GRM5: variants seen among roughly 807,000 people sequenced by gnomAD.
GRM5 encodes metabotropic glutamate receptor 5.
A neutral mutation model predicts 83.1 loss-of-function variants in GRM5; 19 were observed. The observed-to-expected ratio is 0.23, with a 90% CI of 0.16 to 0.34. The LOEUF (loss-of-function observed/expected upper bound fraction) is 0.34. Ranked by LOEUF, GRM5 falls within the 10% of genes least tolerant of loss-of-function variation. The pLI, the probability that GRM5 is intolerant of heterozygous loss-of-function variation, is 1.00. For missense variants in GRM5, 1,160 were observed against 1,588.3 expected (o/e 0.73, Z 4.58); for synonymous variants, 675 against 633.6 (o/e 1.07, Z -0.98).
In GRM5 at chr11:88,509,267, G is replaced by T. The variant is rs758288601; in HGVS notation, c.2964C>A (p.Gly988=). 4 of 1,472,680 alleles carry T rather than the reference G, an allele frequency of 2.7e-6. No homozygotes were observed. In the South Asian group the frequency reaches 4.0e-5, roughly 15 times the overall value. 91.2% of individuals were successfully genotyped at this position (1,472,680 alleles called of 1,614,324 possible). Reference sequence around the variant, plus strand: ...GGCCGGCGTCTGGGGACTCGGGCCCGCCTGGGCCGGCGCCTGCGCAGCCCG... The same window carrying T: ...GGCCGGCGTCTGGGGACTCGGGCCCTCCTGGGCCGGCGCCTGCGCAGCCCG... ...GGAGCAGAGP[G]GPESPDAGPK... is the part of the protein sequence containing the mutation. Residue 988 remains glycine, a synonymous_variant, in exon 10 of 10, where the codon GGC becomes GGA. Coordinates refer to ENST00000305447, the MANE Select transcript of GRM5 (RefSeq NM_001143831.3).
intron 2 of GRM5, among the ~76,000 whole-genome samples, chr11:88,886,815 A>G (rs184281755): frequency 4.9e-4 from 75 of 152,282 alleles, no homozygotes; most frequent in Middle Eastern, 6.8e-3. Flanking sequence ...GGGAAATTTT[A>G]TAGTTCAGGG....
intron 4 of GRM5, among the ~76,000 whole-genome samples, chr11:88,619,330 T>A (rs1414505206): frequency 6.6e-6 from 1 of 152,216 alleles, no homozygotes; most frequent in African/African-American, 2.4e-5. Flanking sequence ...TTAGATATGT[T>A]TTATTTGGCC....
At chr11:88,996,458 A>T (rs1940189989) in intron 2 of GRM5, among the ~76,000 whole-genome samples, 1 of 152,234 alleles carries the variant, frequency 6.6e-6, no homozygotes, top group Non-Finnish European at 1.5e-5. Context: ...TATACTACAG[A>T]ATGATAAAAA....
chr11:88,653,684 C>T (rs1591414605), intron 3 of GRM5, among the ~76,000 whole-genome samples: 1 of 151,938 alleles, frequency 6.6e-6, no homozygotes, highest in Admixed American at 6.6e-5. Context: ...TTACTGGCTG[C>T]AAAATATAGT....
At chr11:88,787,131 A>ATATG (rs1460768955) in intron 3 of GRM5, among the ~76,000 whole-genome samples, 21 of 143,444 alleles carry the variant, frequency 1.5e-4, no homozygotes, top group African/African-American at 5.4e-4. Context: ...ATATGATATG[A>ATATG]TGTGTGTGTG....
chr11:88,681,432 A>G (rs1056408417), intron 3 of GRM5, among the ~76,000 whole-genome samples: 1 of 149,946 alleles, frequency 6.7e-6, no homozygotes, highest in Non-Finnish European at 1.5e-5. Flanking sequence ...TCTTTTTGAA[A>G]TTCCTTCTTC....
chr11:88,864,921 A>T (rs933140830), intron 2 of GRM5, among the ~76,000 whole-genome samples: 2 of 152,170 alleles, frequency 1.3e-5, no homozygotes, highest in African/African-American at 4.8e-5. Flanking sequence ...CTATTGAGAT[A>T]GTCATGTGGT....
intron 2 of GRM5, among the ~76,000 whole-genome samples, chr11:88,898,539 A>C (rs1465435606): frequency 6.6e-6 from 1 of 151,978 alleles, no homozygotes; most frequent in Non-Finnish European, 1.5e-5. Context: ...ACTAAGAAAT[A>C]AACTATGGAA....
At chr11:88,790,811 C>T (rs2135474442) in intron 3 of GRM5, among the ~76,000 whole-genome samples, 1 of 152,238 alleles carries the variant, frequency 6.6e-6, no homozygotes, top group African/African-American at 2.4e-5. Flanking sequence ...AAAATGAACA[C>T]AGTAGAAGAT....
intron 2 of GRM5, among the ~76,000 whole-genome samples, chr11:89,019,613 G>A (rs566188452): frequency 3.9e-4 from 59 of 152,034 alleles, no homozygotes; most frequent in Non-Finnish European, 6.6e-4. Context: ...GTTGAGGCAC[G>A]AGAATCACTT....
intron 3 of GRM5, among the ~76,000 whole-genome samples, chr11:88,787,133 G>GA (rs1943087821): frequency 7.6e-5 from 1 of 13,078 alleles, no homozygotes; most frequent in Non-Finnish European, 1.3e-4. Context: ...ATGATATGAT[G>GA]TGTGTGTGTG....
At chr11:89,026,130 A>G (rs1941125295) in intron 2 of GRM5, among the ~76,000 whole-genome samples, 1 of 152,192 alleles carries the variant, frequency 6.6e-6, no homozygotes, top group Non-Finnish European at 1.5e-5. Context: ...ATGGACACAA[A>G]GAAGGGAACA....
intron 4 of GRM5, among the ~76,000 whole-genome samples, chr11:88,622,788 A>G (rs1938675415): frequency 6.6e-6 from 1 of 152,206 alleles, no homozygotes; most frequent in South Asian, 2.1e-4. Context: ...GTAAAATTGC[A>G]GTAGAGGAAT....
chr11:88,748,153 C>G (rs866164623), intron 3 of GRM5, among the ~76,000 whole-genome samples: 1 of 152,068 alleles, frequency 6.6e-6, no homozygotes, highest in Middle Eastern at 3.2e-3. Context: ...TCAAAATATC[C>G]CCTATGAGGT....
chr11:88,658,907 G>T (rs563007502), intron 3 of GRM5, among the ~76,000 whole-genome samples: 11 of 152,230 alleles, frequency 7.2e-5, no homozygotes, highest in African/African-American at 2.4e-4. Context: ...TACAGGTAGT[G>T]GGGAACCAGT....
Position 88,634,037 on chromosome 11 carries a change from A to G in GRM5, c.1147+19131T>C, listed in dbSNP as rs117073227. Among the ~76,000 whole-genome samples, 130 of 152,330 alleles carry G rather than the reference A, an allele frequency of 8.5e-4. No individual in the cohort carries two copies. The Middle Eastern group carries it at 0.014, about 16-fold the overall frequency. On this transcript the variant is annotated intron_variant, in intron 4 of 9. Transcript: ENST00000305447. ...GTTACTGTACTAAATACTGTGGGCAATTATACAAAGGTGTAAGTATTTGTA... is the reference window on the plus strand; with the variant it reads ...GTTACTGTACTAAATACTGTGGGCAGTTATACAAAGGTGTAAGTATTTGTA...
intron 3 of GRM5, among the ~76,000 whole-genome samples, chr11:88,751,079 A>AT (rs1461287048): frequency 6.2e-5 from 9 of 145,590 alleles, no homozygotes; most frequent in Non-Finnish European, 1.2e-4. Flanking sequence ...AGCCAAAAAA[A>AT]AAAAAAAAAA....
chr11:88,928,476 A>ATATATT (rs1565296279), intron 2 of GRM5, among the ~76,000 whole-genome samples: 38 of 27,416 alleles, frequency 1.4e-3, no homozygotes, highest in Admixed American at 2.8e-3. Context: ...ATATATATAT[A>ATATATT]TATATATGTA....
intron 2 of GRM5, among the ~76,000 whole-genome samples, chr11:88,922,151 C>A (rs190196730): frequency 6.6e-6 from 1 of 151,976 alleles, no homozygotes; most frequent in African/African-American, 2.4e-5. Flanking sequence ...TGTTAAAATG[C>A]CCATAACACC....
Sources: gnomAD v4.1 joint callset for allele counts (sites outside exome capture counted in the v4.1 genomes callset) on GRCh38, gnomAD v4.1.1 for gene constraint, MANE v1.5 for transcripts, NCBI Gene and HGNC (gene_info 2026-07-23, HGNC 2026-07-21) for gene names.